The following KCND2 variants were observed in gnomAD, a reference collection of about 807,000 sequenced individuals.
KCND2 encodes A-type voltage-gated potassium channel KCND2.
KCND2 carries 16 observed loss-of-function variants against 54.4 expected under a neutral mutation model. That is an observed-to-expected ratio of 0.29 (90% CI 0.20 to 0.45). KCND2 has a LOEUF of 0.45. Among genes scored for constraint, KCND2 ranks in the 20% least tolerant of loss-of-function variants. KCND2 has a pLI of 1.00. For missense variants in KCND2, 486 were observed against 824.2 expected (o/e 0.59, Z 5.02); for synonymous variants, 317 against 310.7 (o/e 1.02, Z -0.21).
intron 1 of KCND2, among the ~76,000 whole-genome samples, chr7:120,608,502 A>G (rs1792911699): frequency 6.6e-6 from 1 of 152,150 alleles, no homozygotes; most frequent in Non-Finnish European, 1.5e-5. Flanking sequence ...CCTAAATTAT[A>G]GCATCTCTGG....
At chr7:120,693,456 T>C (rs1342648181) in intron 1 of KCND2, among the ~76,000 whole-genome samples, 1 of 151,972 alleles carries the variant, frequency 6.6e-6, no homozygotes, top group African/African-American at 2.4e-5. Flanking sequence ...ACATAGTACT[T>C]AGCAAATGGG....
chr7:120,595,348 G>A (rs1029967502), intron 1 of KCND2, among the ~76,000 whole-genome samples: 12 of 151,098 alleles, frequency 7.9e-5, no homozygotes, highest in Non-Finnish European at 1.3e-4. Flanking sequence ...CTACTCAGGA[G>A]GCTGAGACAT....
intron 1 of KCND2, among the ~76,000 whole-genome samples, chr7:120,488,719 C>T (rs922316966): frequency 2.6e-5 from 4 of 151,976 alleles, no homozygotes; most frequent in African/African-American, 7.2e-5. Flanking sequence ...GTTTAAAATA[C>T]ATCCTTTCCT....
chr7:120,637,872 G>T (rs934566037), intron 1 of KCND2, among the ~76,000 whole-genome samples: 1 of 151,962 alleles, frequency 6.6e-6, no homozygotes, highest in African/African-American at 2.4e-5. Context: ...CTTTTGCTGA[G>T]AATCTGAAAA....
At chr7:120,576,658 C>G (rs1792438162) in intron 1 of KCND2, among the ~76,000 whole-genome samples, 1 of 151,804 alleles carries the variant, frequency 6.6e-6, no homozygotes, top group Non-Finnish European at 1.5e-5. Context: ...GAAGGATTTA[C>G]TTCTAAATCT....
chr7:120,534,057 T>A (rs963012743), intron 1 of KCND2, among the ~76,000 whole-genome samples: 2 of 151,422 alleles, frequency 1.3e-5, no homozygotes, highest in African/African-American at 4.9e-5. Context: ...GGAATTTTTT[T>A]GTACAAATCT....
chr7:120,310,825 A>G lies in KCND2; in HGVS notation c.1115+35078A>G, dbSNP rs183006316. Among the ~76,000 whole-genome samples, 853 of 151,636 alleles carry G rather than the reference A, an allele frequency of 5.6e-3. 2 individuals are homozygous for G. The highest frequency in any genetic ancestry group is 9.0e-3 in the Non-Finnish European group (614 of 67,918). On this transcript the variant is annotated intron_variant, in intron 1 of 5. Coordinates refer to ENST00000331113, the MANE Select transcript of KCND2 (RefSeq NM_012281.3). ...GTGGTGCATGCCTGTAATCCCAGCCACTCAGGAAGCTGAGGCACAGGAATC... is the reference window on the plus strand; with the variant it reads ...GTGGTGCATGCCTGTAATCCCAGCCGCTCAGGAAGCTGAGGCACAGGAATC...
At chr7:120,516,999 A>G (rs1803205934) in intron 1 of KCND2, among the ~76,000 whole-genome samples, 1 of 152,144 alleles carries the variant, frequency 6.6e-6, no homozygotes, top group South Asian at 2.1e-4. Flanking sequence ...TATTTTCTCC[A>G]AAGGAAACTA....
chr7:120,308,167 GGAGA>G (rs1799676923), intron 1 of KCND2, among the ~76,000 whole-genome samples: 2 of 151,924 alleles, frequency 1.3e-5, no homozygotes, highest in South Asian at 4.1e-4. Context: ...TACTAAAGAG[GGAGA>G]GAGAGAAAAA....
intron 1 of KCND2, among the ~76,000 whole-genome samples, chr7:120,704,958 G>A (rs980510059): frequency 5.9e-5 from 9 of 152,184 alleles, no homozygotes; most frequent in Admixed American, 1.3e-4. Context: ...TTAAATGAAC[G>A]TGTAGAATAA....
intron 1 of KCND2, among the ~76,000 whole-genome samples, chr7:120,336,849 G>A (rs1217412614): frequency 1.3e-5 from 2 of 152,058 alleles, no homozygotes; most frequent in Non-Finnish European, 2.9e-5. Context: ...AGGATCTCTA[G>A]GAGGCCACTC....
chr7:120,488,635 C>G (rs1307551092), intron 1 of KCND2, among the ~76,000 whole-genome samples: 1 of 151,940 alleles, frequency 6.6e-6, no homozygotes, highest in Non-Finnish European at 1.5e-5. Flanking sequence ...CTTTTGTGGC[C>G]CCTCACAGGC....
At chr7:120,448,515 C>G (rs1802051944) in intron 1 of KCND2, among the ~76,000 whole-genome samples, 1 of 152,042 alleles carries the variant, frequency 6.6e-6, no homozygotes, top group Non-Finnish European at 1.5e-5. Flanking sequence ...TTTATAGCAG[C>G]ATGATTTATA....
chr7:120,656,740 A>T (rs1791808194), intron 1 of KCND2, among the ~76,000 whole-genome samples: 1 of 152,220 alleles, frequency 6.6e-6, no homozygotes, highest in African/African-American at 2.4e-5. Context: ...GTGGCTAAGC[A>T]GGAATGTTTT....
chr7:120,594,077 A>G (rs1169217473), intron 1 of KCND2, among the ~76,000 whole-genome samples: 2 of 152,200 alleles, frequency 1.3e-5, no homozygotes, highest in Non-Finnish European at 2.9e-5. Flanking sequence ...ACTCTGATAC[A>G]TAAAGGTATG....
chr7:120,671,115 G>A (rs1057492014), intron 1 of KCND2, among the ~76,000 whole-genome samples: 1 of 151,748 alleles, frequency 6.6e-6, no homozygotes, highest in Non-Finnish European at 1.5e-5. Flanking sequence ...GATAAGATTC[G>A]TTTTCTTTTG....
At chr7:120,401,305 A>G (rs1801249285) in intron 1 of KCND2, among the ~76,000 whole-genome samples, 1 of 152,104 alleles carries the variant, frequency 6.6e-6, no homozygotes. Context: ...TTCAGTTCCT[A>G]TTTTAAGCTG....
intron 1 of KCND2, among the ~76,000 whole-genome samples, chr7:120,554,416 A>AT (rs367696492): frequency 0.02 from 2,868 of 147,008 alleles, 35 homozygotes; most frequent in African/African-American, 0.041. Flanking sequence ...TTTTTAATTT[A>AT]TTTTTTTTTT....
intron 1 of KCND2, among the ~76,000 whole-genome samples, chr7:120,526,396 T>A (rs938926051): frequency 3.3e-5 from 5 of 152,064 alleles, no homozygotes; most frequent in Admixed American, 6.6e-5. Context: ...GAAGAAAAAT[T>A]ACACATGAAG....
Sources: allele counts gnomAD v4.1 joint callset (sites outside exome capture counted in the v4.1 genomes callset), GRCh38; gene constraint gnomAD v4.1.1; transcripts MANE v1.5; gene names NCBI Gene and HGNC (gene_info 2026-07-23, HGNC 2026-07-21).